The following ATP2B1 variants were observed in gnomAD, a reference collection of about 807,000 sequenced individuals.
The protein encoded by ATP2B1 is plasma membrane calcium-transporting ATPase 1.
ATP2B1 carries 14 observed loss-of-function variants against 124.2 expected under a neutral mutation model. That is an observed-to-expected ratio of 0.11 (90% CI 0.07 to 0.18). ATP2B1 has a LOEUF of 0.18. Ranked by LOEUF, ATP2B1 falls within the 10% of genes least tolerant of loss-of-function variation. The pLI is 1.00. For synonymous variants in ATP2B1, 449 were observed against 492.4 expected (o/e 0.91, Z 1.17); for missense variants, 763 against 1,466.1 (o/e 0.52, Z 7.83).
Position 89,588,991 on chromosome 12 carries a change from A to G in ATP2B1, c.*1993T>C, listed in dbSNP as rs1009675998. ...GCACATTAATGGCAAAACCAAGACT[A>G]GAAACCAGGTCTTGACTCCTAGTCT... On this transcript the variant is annotated 3_prime_UTR_variant, in exon 21 of 21. Transcript: ENST00000428670. 6.6e-6 allele frequency: 1 copy of G among 152,584 alleles called. No homozygotes were observed. The highest frequency in any genetic ancestry group is 2.4e-5 in the African/African-American group (1 of 41,438). 9.5% of individuals were successfully genotyped at this position (152,584 alleles called of 1,614,324 possible).
chr12:89,666,175 C>T (rs538465572), intron 1 of ATP2B1, among the ~76,000 whole-genome samples: 60 of 152,242 alleles, frequency 3.9e-4, no homozygotes, highest in African/African-American at 1.3e-3. Context: ...AAGGTAAATT[C>T]TATTTTAAGA....
intron 13 of ATP2B1, 91 bp downstream of exon 13, chr12:89,611,100 AAC>A: frequency 2.5e-6 from 3 of 1,192,510 alleles, no homozygotes; most frequent in Non-Finnish European, 2.3e-6. Flanking sequence ...CATGGTGCCT[AAC>A]ACAGTGCATA....
intron 7 of ATP2B1, 86 bp downstream of exon 7, chr12:89,627,592 T>C: frequency 2.8e-6 from 4 of 1,452,468 alleles, no homozygotes; most frequent in Admixed American, 1.8e-5. Flanking sequence ...GCCACATGTA[T>C]CTTACTTTTG....
intron 1 of ATP2B1, among the ~76,000 whole-genome samples, chr12:89,688,495 T>C (rs977133578): frequency 1.3e-5 from 2 of 152,098 alleles, no homozygotes; most frequent in African/African-American, 4.8e-5. Context: ...TTTAGCACTA[T>C]GATAAATGGA....
At chr12:89,634,734 T>C (rs780935835) in intron 5 of ATP2B1, 44 bp downstream of exon 5, 9 of 1,512,920 alleles carry the variant, frequency 5.9e-6, no homozygotes, top group African/African-American at 1.4e-5. Flanking sequence ...TGGTACATAG[T>C]TGCGAAAGAG....
intron 2 of ATP2B1, among the ~76,000 whole-genome samples, chr12:89,644,009 C>A (rs1202686561): frequency 2.0e-5 from 3 of 152,122 alleles, no homozygotes; most frequent in Admixed American, 6.5e-5. Context: ...GTAATCCCAG[C>A]TACTCAGGAG....
At chr12:89,663,549 T>G (rs1294601032) in intron 1 of ATP2B1, among the ~76,000 whole-genome samples, 3 of 152,070 alleles carry the variant, frequency 2.0e-5, no homozygotes, top group African/African-American at 7.2e-5. Flanking sequence ...GAATACAATC[T>G]TACCCAGTAA....
intron 1 of ATP2B1, among the ~76,000 whole-genome samples, chr12:89,687,624 T>C (rs2136694914): frequency 6.6e-6 from 1 of 152,138 alleles, no homozygotes; most frequent in South Asian, 2.1e-4. Flanking sequence ...AGTGGTCAAA[T>C]CACCTAGTGT....
chr12:89,599,030 A>C, intron 20 of ATP2B1, 87 bp downstream of exon 20: 2 of 1,442,714 alleles, frequency 1.4e-6, no homozygotes, highest in Non-Finnish European at 9.4e-7. Flanking sequence ...GCTAGAGAGG[A>C]AGTTTAAGGA....
At chr12:89,678,015 C>CACAT (rs1381829794) in intron 1 of ATP2B1, among the ~76,000 whole-genome samples, 1 of 140,874 alleles carries the variant, frequency 7.1e-6, no homozygotes, top group African/African-American at 2.7e-5. Context: ...CACACACACA[C>CACAT]ACATATACAG....
chr12:89,616,787 A>C lies in ATP2B1; in HGVS notation c.2067+15T>G. 6.2e-7 allele frequency: 1 copy of C among 1,603,668 alleles called. No individual in the cohort carries two copies. Among genetic ancestry groups the C allele is most frequent in the Non-Finnish European group, 8.5e-7 (1 of 1,170,608 alleles). ...ATGAGATTCTGCACATGCAGAACAC[A>C]GAATGTTTCACCACCTCAGGTCTCA... is the stretch of plus-strand genomic sequence containing the variant. On this transcript the variant is annotated intron_variant, in intron 12 of 20. Coordinates refer to ENST00000428670, the MANE Select transcript of ATP2B1 (RefSeq NM_001366521.1).
chr12:89,596,621 C>T lies in ATP2B1; in HGVS notation c.3351+2496G>A, dbSNP rs149174791. On this transcript the variant is annotated intron_variant, in intron 20 of 20. Transcript: ENST00000428670. ...AACACTGGTATCTGCCATTTTCAAA[C>T]GGCTCAGAAAAAAGTTTTATTAATA... is the stretch of plus-strand genomic sequence containing the variant. Among the ~76,000 whole-genome samples the T allele has an allele frequency of 7.6e-3, 1,163 of 152,082 alleles. 20 individuals carry two copies. The highest frequency in any genetic ancestry group is 0.026 in the African/African-American group (1,087 of 41,496).
chr12:89,620,017 G>A lies in ATP2B1; in HGVS notation c.1811C>T (p.Ser604Phe). ...CTCTTACTTTTTCAGAATTATCTCA[G>A]ATGCACCCTTGCTGAATATTCGATA... ...GSYRIFSKGA[S>F]EIILKKCFKI... The change falls in exon 11 of 21, where the codon TCT (serine) becomes TTT (phenylalanine). Residue 604 changes from serine to phenylalanine, a missense_variant. Coordinates refer to ENST00000428670, the MANE Select transcript of ATP2B1 (RefSeq NM_001366521.1). 6.2e-7 allele frequency: 1 copy of A among 1,613,938 alleles called. No individual in the cohort carries two copies.
chr12:89,609,293 C>T (rs1223484687), intron 15 of ATP2B1, among the ~76,000 whole-genome samples: 1 of 152,126 alleles, frequency 6.6e-6, no homozygotes, highest in African/African-American at 2.4e-5. Flanking sequence ...AAATAACAGC[C>T]TCACATCAGT....
chr12:89,626,314 G>T, intron 8 of ATP2B1, 140 bp downstream of exon 8: 1 of 941,226 alleles, frequency 1.1e-6, no homozygotes, highest in Non-Finnish European at 1.5e-6. Context: ...CTGGTGCATT[G>T]TAGCTAGAAC....
At chr12:89,684,259 GT>G (rs1176339004) in intron 1 of ATP2B1, among the ~76,000 whole-genome samples, 1 of 152,188 alleles carries the variant, frequency 6.6e-6, no homozygotes, top group Non-Finnish European at 1.5e-5. Context: ...TGTGTTGGCA[GT>G]TCTGAACTTT....
intron 1 of ATP2B1, among the ~76,000 whole-genome samples, chr12:89,701,412 G>A (rs555360961): frequency 8.5e-5 from 13 of 152,192 alleles, no homozygotes; most frequent in African/African-American, 2.4e-4. Flanking sequence ...TCTATATCAC[G>A]ATATATAGAA....
At chr12:89,628,054 GGAGAGGGAGGAGGAAGAGCAGGGGTA>G (rs1273320368) in intron 6 of ATP2B1, among the ~76,000 whole-genome samples, 2 of 152,142 alleles carry the variant, frequency 1.3e-5, no homozygotes, top group South Asian at 2.1e-4. Flanking sequence ...GGGCAGAGGT[GGAGAGGGAGGAGGAAGAGCAGGGGTA>G]GAGAGGGAGG....
chr12:89,691,387 A>G (rs1890540339), intron 1 of ATP2B1, among the ~76,000 whole-genome samples: 1 of 152,182 alleles, frequency 6.6e-6, no homozygotes, highest in African/African-American at 2.4e-5. Context: ...TGTGACTGTT[A>G]TTAGTATGAT....
Sources: gnomAD v4.1 joint callset for allele counts (sites outside exome capture counted in the v4.1 genomes callset) on GRCh38, gnomAD v4.1.1 for gene constraint, MANE v1.5 for transcripts, NCBI Gene and HGNC (gene_info 2026-07-23, HGNC 2026-07-21) for gene names.